PTPRG: variants seen among roughly 807,000 people sequenced by gnomAD.
PTPRG encodes the protein receptor-type tyrosine-protein phosphatase gamma.
In PTPRG, 102 loss-of-function variants were observed where a neutral mutation model predicts 165.3. That is an observed-to-expected ratio of 0.62 (90% confidence interval 0.53 to 0.73). The LOEUF is 0.73. PTPRG is among the 30% of genes least tolerant of loss of function. The probability of loss-of-function intolerance (pLI) is 0.00; values close to 1 mark genes in which losing one functional copy is unlikely to be tolerated. For synonymous variants in PTPRG, 675 were observed against 669.5 expected, an observed-to-expected ratio of 1.01 and a Z score of -0.13; for missense variants, 1,866 against 1,861.4, an observed-to-expected ratio of 1.00 and a Z score of -0.05.
intron 15 of PTPRG, among the ~76,000 whole-genome samples, chr3:62,251,046 G>A (rs1701402286): frequency 6.6e-6 from 1 of 152,110 alleles, no homozygotes; most frequent in African/African-American, 2.4e-5. Flanking sequence ...TAATGGTAGT[G>A]GTCCCACTTT....
intron 6 of PTPRG, among the ~76,000 whole-genome samples, chr3:62,140,256 A>C (rs1703873141): frequency 6.6e-6 from 1 of 152,200 alleles, no homozygotes; most frequent in South Asian, 2.1e-4. Flanking sequence ...CCGCCCTCTG[A>C]GCCAGAAATA....
intron 4 of PTPRG, among the ~76,000 whole-genome samples, chr3:62,070,378 C>T (rs1701169423): frequency 1.3e-5 from 2 of 152,090 alleles, no homozygotes; most frequent in South Asian, 2.1e-4. Context: ...TTATTTATTC[C>T]AAGAGATGGC....
chr3:62,009,932 A>G (rs1317647124), intron 4 of PTPRG, among the ~76,000 whole-genome samples: 1 of 152,066 alleles, frequency 6.6e-6, no homozygotes, highest in African/African-American at 2.4e-5. Context: ...GTATGCATGT[A>G]TGAATGACAA....
chr3:61,639,739 G>T (rs1013362445), intron 1 of PTPRG, among the ~76,000 whole-genome samples: 1 of 152,040 alleles, frequency 6.6e-6, no homozygotes, highest in African/African-American at 2.4e-5. Flanking sequence ...AAATGCTACT[G>T]GTTTTTATAC....
At chr3:61,898,023 C>G (rs1269510382) in intron 2 of PTPRG, among the ~76,000 whole-genome samples, 1 of 151,662 alleles carries the variant, frequency 6.6e-6, no homozygotes, top group Non-Finnish European at 1.5e-5. Flanking sequence ...TTCTTTTTTT[C>G]TTTCTGTATG....
intron 2 of PTPRG, among the ~76,000 whole-genome samples, chr3:61,906,078 A>T (rs2038642159): frequency 6.6e-6 from 1 of 152,120 alleles, no homozygotes; most frequent in Admixed American, 6.6e-5. Flanking sequence ...ACATTATTAA[A>T]GTTGGAATGC....
At chr3:61,847,242 A>T (rs1575717818) in intron 2 of PTPRG, among the ~76,000 whole-genome samples, 1 of 152,168 alleles carries the variant, frequency 6.6e-6, no homozygotes, top group South Asian at 2.1e-4. Context: ...AGATACAAGC[A>T]CACGGGGAGA....
At chr3:62,146,946 C>G (rs1249973445) in intron 6 of PTPRG, among the ~76,000 whole-genome samples, 1 of 152,166 alleles carries the variant, frequency 6.6e-6, no homozygotes, top group African/African-American at 2.4e-5. Flanking sequence ...GTATGAAAGA[C>G]CTACTTTATA....
intron 1 of PTPRG, among the ~76,000 whole-genome samples, chr3:61,747,148 T>C (rs2033240125): frequency 6.6e-6 from 1 of 151,960 alleles, no homozygotes; most frequent in Non-Finnish European, 1.5e-5. Context: ...CCAAAAGCAG[T>C]GTATGCCCAG....
intron 2 of PTPRG, among the ~76,000 whole-genome samples, chr3:61,846,927 G>T (rs545633938): frequency 6.6e-6 from 1 of 152,096 alleles, no homozygotes; most frequent in African/African-American, 2.4e-5. Context: ...AAAATAGAGA[G>T]AGAGGGACAA....
At chr3:61,673,665 T>G (rs1703112019) in intron 1 of PTPRG, among the ~76,000 whole-genome samples, 1 of 152,172 alleles carries the variant, frequency 6.6e-6, no homozygotes, top group Non-Finnish European at 1.5e-5. Context: ...TATGGAGTGA[T>G]CAACTTGGGA....
chr3:61,972,328 G>T (rs1169460916), intron 2 of PTPRG, among the ~76,000 whole-genome samples: 1 of 152,184 alleles, frequency 6.6e-6, no homozygotes, highest in Admixed American at 6.5e-5. Context: ...TTTGGGCAGA[G>T]GCCAGATGTG....
intron 1 of PTPRG, among the ~76,000 whole-genome samples, chr3:61,742,061 G>A (rs991593745): frequency 6.6e-6 from 1 of 152,102 alleles, no homozygotes; most frequent in Non-Finnish European, 1.5e-5. Flanking sequence ...TGTTTCATGT[G>A]GTATTCAGAG....
rs528447556 is a variant in PTPRG at position 61,662,261 on chromosome 3, A to T, written c.86-86617A>T. 2.6e-5 allele frequency among the ~76,000 whole-genome samples: 4 copies of T among 152,314 alleles called. No individual in the cohort carries two copies. The South Asian group carries it at 8.3e-4, about 32-fold the overall frequency. ...GGTTGAAGTGATAGTGACTTTAGAG[A>T]CAATATCTCTAAAGAGACTTTCTGT... On this transcript the variant is annotated intron_variant, in intron 1 of 29. Transcript: ENST00000474889.
chr3:61,728,902 A>G (rs2032373735), intron 1 of PTPRG, among the ~76,000 whole-genome samples: 1 of 151,022 alleles, frequency 6.6e-6, no homozygotes, highest in African/African-American at 2.4e-5. Context: ...AGAAAGAAAG[A>G]AAGAAAAAAA....
At chr3:62,032,971 C>G (rs1191372216) in intron 4 of PTPRG, among the ~76,000 whole-genome samples, 1 of 152,124 alleles carries the variant, frequency 6.6e-6, no homozygotes, top group Non-Finnish European at 1.5e-5. Flanking sequence ...GAATGACCGA[C>G]CTAGTTCTAA....
At chr3:61,779,249 C>T (rs2034475089) in intron 2 of PTPRG, among the ~76,000 whole-genome samples, 1 of 152,156 alleles carries the variant, frequency 6.6e-6, no homozygotes, top group African/African-American at 2.4e-5. Flanking sequence ...TGAAGCTGAG[C>T]AAACTGGGGA....
chr3:61,951,699 A>G (rs144988355), intron 2 of PTPRG, among the ~76,000 whole-genome samples: 110 of 152,314 alleles, frequency 7.2e-4, no homozygotes, highest in African/African-American at 2.6e-3. Flanking sequence ...TCTTCTTGGC[A>G]ACAATTGACT....
chr3:61,626,993 A>G (rs1381264438), intron 1 of PTPRG, among the ~76,000 whole-genome samples: 1 of 152,210 alleles, frequency 6.6e-6, no homozygotes, highest in East Asian at 1.9e-4. Flanking sequence ...TATGTATGGA[A>G]TGGCTTAAAG....
Sources: allele counts gnomAD v4.1 joint callset (sites outside exome capture counted in the v4.1 genomes callset), GRCh38; gene constraint gnomAD v4.1.1; transcripts MANE v1.5; gene names NCBI Gene and HGNC (gene_info 2026-07-23, HGNC 2026-07-21).